HIP1: variants seen among roughly 807,000 people sequenced by gnomAD.
The protein encoded by HIP1 is huntingtin interacting protein 1.
HIP1 carries 65 observed loss-of-function variants against 147.6 expected under a neutral mutation model. That is an observed-to-expected ratio of 0.44 (90% CI 0.36 to 0.54). The LOEUF (loss-of-function observed/expected upper bound fraction) is 0.54, where lower values mean the gene tolerates loss of function less well. HIP1 is among the 20% of genes least tolerant of loss of function. The pLI is 0.00. For synonymous variants in HIP1, 479 were observed against 504.0 expected, an observed-to-expected ratio of 0.95 and a Z score of 0.67; for missense variants, 1,061 against 1,299.6, an observed-to-expected ratio of 0.82 and a Z score of 2.82.
intron 1 of HIP1, among the ~76,000 whole-genome samples, chr7:75,654,868 A>G (rs115498360): frequency 0.011 from 1,723 of 152,230 alleles, 35 homozygotes; most frequent in African/African-American, 0.04. Flanking sequence ...TAAAGAAATT[A>G]GCCGGGCATG....
At chr7:75,567,034 A>G (rs1554495640) in intron 9 of HIP1, among the ~76,000 whole-genome samples, 1 of 150,978 alleles carries the variant, frequency 6.6e-6, no homozygotes, top group Non-Finnish European at 1.5e-5. Context: ...ATCACTGGAG[A>G]TGGGGAGGCT....
intron 4 of HIP1, 67 bp from the exon 5 acceptor site, chr7:75,586,900 G>A: frequency 1.1e-6 from 1 of 897,966 alleles, no homozygotes; most frequent in Non-Finnish European, 1.8e-6. Context: ...TCTGCAGCCA[G>A]GAATTCTCTG....
At chr7:75,601,622 A>G (rs78986967) in intron 1 of HIP1, among the ~76,000 whole-genome samples, 2 of 108,538 alleles carry the variant, frequency 1.8e-5, no homozygotes, top group Non-Finnish European at 4.6e-5. Context: ...ACAACAAAAA[A>G]AAAAAGAAAA....
chr7:75,639,592 T>TGTGTGC lies in HIP1; in HGVS notation c.121-40346_121-40345insGCACAC, dbSNP rs879990782. On this transcript the variant is annotated intron_variant, in intron 1 of 30. Coordinates refer to ENST00000336926, the MANE Select transcript of HIP1 (RefSeq NM_005338.7). The stretch of plus-strand genomic sequence containing the variant: ...GTGTGTGTGTGTGTGTGTGTGTGTG[T>TGTGTGC]GCGCCCGCGTGTGTGTGCAGGCGTG... Among the ~76,000 whole-genome samples the TGTGTGC allele has an allele frequency of 8.0e-3, 1,196 of 148,702 alleles. 14 individuals are homozygous for TGTGTGC. The highest frequency in any genetic ancestry group is 0.031 in the Middle Eastern group (9 of 290).
chr7:75,646,139 G>A (rs1379684139), intron 1 of HIP1, among the ~76,000 whole-genome samples: 2 of 152,200 alleles, frequency 1.3e-5, no homozygotes, highest in Non-Finnish European at 2.9e-5. Context: ...GAGTGCAGTG[G>A]TGCAATCTCA....
chr7:75,579,946 C>T (rs1375187558), intron 7 of HIP1, among the ~76,000 whole-genome samples: 1 of 152,126 alleles, frequency 6.6e-6, no homozygotes, highest in Non-Finnish European at 1.5e-5. Context: ...GCTTACATCC[C>T]CCAGGGAAAG....
At chr7:75,635,882 G>GCA in intron 1 of HIP1, among the ~76,000 whole-genome samples, 5 of 151,422 alleles carry the variant, frequency 3.3e-5, no homozygotes, top group African/African-American at 9.7e-5. Context: ...AATTAGCTGG[G>GCA]TGTAGTGGTG....
At chr7:75,550,475 G>A (rs1016473072) in intron 22 of HIP1, among the ~76,000 whole-genome samples, 4 of 151,942 alleles carry the variant, frequency 2.6e-5, no homozygotes, top group East Asian at 1.9e-4. Context: ...GCAGTGGTGC[G>A]ATCATAGCTC....
intron 1 of HIP1, among the ~76,000 whole-genome samples, chr7:75,726,009 GT>G (rs1801639948): frequency 6.6e-6 from 1 of 151,592 alleles, no homozygotes; most frequent in South Asian, 2.2e-4. Flanking sequence ...TTGTTCGTTT[GT>G]TTGTTTGTAG....
intron 1 of HIP1, among the ~76,000 whole-genome samples, chr7:75,669,091 T>G (rs150610917): frequency 6.7e-6 from 1 of 148,258 alleles, no homozygotes; most frequent in African/African-American, 2.5e-5. Flanking sequence ...ACAGGCCGGG[T>G]GTGGTGGCTC....
At chr7:75,728,276 C>T (rs1196434449) in intron 1 of HIP1, among the ~76,000 whole-genome samples, 2 of 152,216 alleles carry the variant, frequency 1.3e-5, no homozygotes, top group African/African-American at 4.8e-5. Context: ...TCTGAGCCAG[C>T]AGACACCTTA....
intron 7 of HIP1, among the ~76,000 whole-genome samples, chr7:75,579,357 T>C (rs1795956737): frequency 1.3e-5 from 2 of 152,126 alleles, no homozygotes; most frequent in Non-Finnish European, 2.9e-5. Context: ...GCTCACTGCA[T>C]CTCGGCTCAC....
At chr7:75,543,001 C>T in intron 27 of HIP1, 27 bp from the exon 28 acceptor site, 1 of 1,598,740 alleles carries the variant, frequency 6.3e-7, no homozygotes, top group African/African-American at 1.3e-5. Flanking sequence ...GATTTAGGTT[C>T]ATACAACACC....
intron 1 of HIP1, among the ~76,000 whole-genome samples, chr7:75,708,294 G>A (rs181501393): frequency 1.3e-5 from 2 of 152,194 alleles, no homozygotes; most frequent in South Asian, 2.1e-4. Context: ...CTTCCATTCT[G>A]TAGGTTGCCT....
chr7:75,735,203 G>A (rs79864835), intron 1 of HIP1, among the ~76,000 whole-genome samples: 14,920 of 152,216 alleles, frequency 0.098, 884 homozygotes, highest in Middle Eastern at 0.16. Context: ...CAAGGCCCAT[G>A]TACATGCCCA....
chr7:75,614,723 T>C (rs1441983043), intron 1 of HIP1, among the ~76,000 whole-genome samples: 1 of 149,806 alleles, frequency 6.7e-6, no homozygotes, highest in Non-Finnish European at 1.5e-5. Flanking sequence ...AATTTCATGT[T>C]ATATGTATTT....
intron 1 of HIP1, among the ~76,000 whole-genome samples, chr7:75,732,130 C>G (rs1251258370): frequency 2.6e-5 from 4 of 152,072 alleles, no homozygotes; most frequent in Non-Finnish European, 5.9e-5. Flanking sequence ...CCTGGCTTCT[C>G]GGTTCACTCG....
At chr7:75,596,884 C>T (rs1468052210) in intron 2 of HIP1, among the ~76,000 whole-genome samples, 1 of 152,214 alleles carries the variant, frequency 6.6e-6, no homozygotes, top group African/African-American at 2.4e-5. Context: ...GGCCTCTCTG[C>T]ACCCATGTCT....
At chr7:75,623,343 G>A (rs1271485398) in intron 1 of HIP1, among the ~76,000 whole-genome samples, 2 of 152,050 alleles carry the variant, frequency 1.3e-5, no homozygotes, top group Non-Finnish European at 2.9e-5. Flanking sequence ...GAGGGCAGCC[G>A]CTGGGAGGAG....
Sources: allele counts gnomAD v4.1 joint callset (sites outside exome capture counted in the v4.1 genomes callset), GRCh38; gene constraint gnomAD v4.1.1; transcripts MANE v1.5; gene names NCBI Gene and HGNC (gene_info 2026-07-23, HGNC 2026-07-21).